The following ARMH3 variants were observed in gnomAD, a reference collection of about 807,000 sequenced individuals.
ARMH3 encodes armadillo like helical domain containing 3.
A neutral mutation model predicts 99.1 loss-of-function variants in ARMH3; 60 were observed. The ratio of observed to expected loss-of-function variants is 0.61; its 90% CI spans 0.49 to 0.75. The LOEUF is 0.75. ARMH3 is among the 30% of genes least tolerant of loss of function. The pLI, the probability that ARMH3 is intolerant of heterozygous loss-of-function variation, is 0.00. For missense variants in ARMH3, 679 were observed against 843.1 expected, an observed-to-expected ratio of 0.81 and a Z score of 2.41; for synonymous variants, 285 against 292.8, an observed-to-expected ratio of 0.97 and a Z score of 0.27.
chr10:101,988,957 G>T (rs1000972812), intron 19 of ARMH3, among the ~76,000 whole-genome samples: 5 of 149,154 alleles, frequency 3.4e-5, no homozygotes, highest in African/African-American at 1.2e-4. Flanking sequence ...CAAGCTAGAG[G>T]TCTACTCTAT....
chr10:101,977,302 T>C (rs1366080565), intron 19 of ARMH3, among the ~76,000 whole-genome samples: 1 of 152,186 alleles, frequency 6.6e-6, no homozygotes, highest in Non-Finnish European at 1.5e-5. Flanking sequence ...TTAAAAATTA[T>C]AAACCTACCA....
At chr10:101,914,081 CTAAT>C (rs1350140105) in intron 23 of ARMH3, among the ~76,000 whole-genome samples, 4 of 152,134 alleles carry the variant, frequency 2.6e-5, no homozygotes, top group African/African-American at 9.7e-5. Flanking sequence ...TAATTAATGA[CTAAT>C]TAAGTGTTGG....
At chr10:101,954,862 ATCTTC>A (rs1844957457) in intron 22 of ARMH3, among the ~76,000 whole-genome samples, 1 of 152,226 alleles carries the variant, frequency 6.6e-6, no homozygotes, top group Non-Finnish European at 1.5e-5. Context: ...ATTCACAGGT[ATCTTC>A]TCTTATCTTG....
chr10:101,870,234 G>A (rs1033482481), intron 24 of ARMH3, among the ~76,000 whole-genome samples: 1 of 152,098 alleles, frequency 6.6e-6, no homozygotes, highest in African/African-American at 2.4e-5. Context: ...TTTTATGAAC[G>A]AATTATGCCA....
At chr10:101,961,880 A>T (rs1411193687) in intron 20 of ARMH3, among the ~76,000 whole-genome samples, 1 of 152,232 alleles carries the variant, frequency 6.6e-6, no homozygotes, top group Non-Finnish European at 1.5e-5. Context: ...CATCTGTAAG[A>T]CTTTGCAATC....
rs188065129 is a variant in ARMH3, at chr10:101,996,990, C to T, written c.1151-1635G>A. 3.8e-3 allele frequency among the ~76,000 whole-genome samples: 581 copies of T among 152,266 alleles called. 1 individual carries two copies. The highest frequency in any genetic ancestry group is 0.02 in the Middle Eastern group (6 of 294). On this transcript the variant is annotated intron_variant, in intron 15 of 25. Transcript: ENST00000370033. ...AAAACCCAAGGGAATAGGGGCTGGGCTCAGTGGCTCACACCTCTAATCCCA... is the reference window on the plus strand; with the variant it reads ...AAAACCCAAGGGAATAGGGGCTGGGTTCAGTGGCTCACACCTCTAATCCCA...
intron 23 of ARMH3, among the ~76,000 whole-genome samples, chr10:101,901,156 A>C (rs1452066681): frequency 6.7e-6 from 1 of 150,164 alleles, no homozygotes; most frequent in Non-Finnish European, 1.5e-5. Context: ...ATGTGCACAA[A>C]GGAGGAAGAA....
chr10:101,941,665 T>C (rs1358960483), intron 22 of ARMH3, among the ~76,000 whole-genome samples: 1 of 152,194 alleles, frequency 6.6e-6, no homozygotes, highest in Non-Finnish European at 1.5e-5. Context: ...CAGTGCTGCT[T>C]TTTTAATTTA....
intron 22 of ARMH3, among the ~76,000 whole-genome samples, chr10:101,945,434 T>C (rs1013794529): frequency 6.6e-5 from 10 of 151,946 alleles, no homozygotes; most frequent in African/African-American, 1.2e-4. Flanking sequence ...ATACAAAAAT[T>C]AGGCTGGACA....
intron 23 of ARMH3, among the ~76,000 whole-genome samples, chr10:101,929,571 G>T (rs2135658862): frequency 6.6e-6 from 1 of 152,220 alleles, no homozygotes; most frequent in South Asian, 2.1e-4. Context: ...ATTTACAGTT[G>T]CATAGGAGTA....
At chr10:102,055,603 G>A (rs1271838008) in intron 1 of ARMH3, among the ~76,000 whole-genome samples, 1 of 152,188 alleles carries the variant, frequency 6.6e-6, no homozygotes, top group Non-Finnish European at 1.5e-5. Context: ...GCCTGTCAGA[G>A]CCTGGAGAGG....
At position 101,993,593 on chromosome 10, in the gene ARMH3, G is replaced by T; in HGVS notation, c.1220C>A (p.Ala407Asp). ...GTTGTCATCATGCAAAAATGCATTG[G>T]CATATTGATCCTAATAAAAATATAG... ...ILTCIAEDQY[A>D]NAFLHDDNMN... The change falls in exon 17 of 26, where the codon GCC (alanine) becomes GAC (aspartate). Residue 407 changes from alanine (A) to aspartate (D), a missense_variant. Around this residue, in one of 3 missense-constraint regions of ARMH3, gnomAD observed 389 missense variants for 456.5 expected, o/e 0.85. Transcript: ENST00000370033. The T allele has an allele frequency of 6.3e-7, 1 of 1,594,862 alleles. No individual in the cohort carries two copies. Among genetic ancestry groups the T allele is most frequent in the Non-Finnish European group, 8.6e-7 (1 of 1,168,084 alleles).
At chr10:101,875,466 G>T (rs980096320) in intron 24 of ARMH3, among the ~76,000 whole-genome samples, 2 of 152,140 alleles carry the variant, frequency 1.3e-5, no homozygotes, top group African/African-American at 4.8e-5. Flanking sequence ...CCTTTTAAAA[G>T]GTAACTTCCC....
intron 19 of ARMH3, among the ~76,000 whole-genome samples, chr10:101,989,881 G>A (rs184286414): frequency 2.5e-4 from 38 of 152,324 alleles, no homozygotes; most frequent in Non-Finnish European, 4.3e-4. Context: ...GATCAGAAGC[G>A]CTATCTCTCT....
intron 20 of ARMH3, among the ~76,000 whole-genome samples, chr10:101,968,635 CT>C (rs1356084468): frequency 6.6e-6 from 1 of 152,162 alleles, no homozygotes; most frequent in African/African-American, 2.4e-5. Context: ...TGATTTCTTG[CT>C]CTTTTGGGGG....
At chr10:101,944,994 T>A (rs1487237159) in intron 22 of ARMH3, among the ~76,000 whole-genome samples, 1 of 152,160 alleles carries the variant, frequency 6.6e-6, no homozygotes, top group Non-Finnish European at 1.5e-5. Context: ...GTGTTCTACT[T>A]CCAGCATGGC....
chr10:101,897,594 GTGTT>G (rs1209687216), intron 23 of ARMH3, among the ~76,000 whole-genome samples: 1 of 152,034 alleles, frequency 6.6e-6, no homozygotes, highest in Non-Finnish European at 1.5e-5. Context: ...TTTTGTTTGT[GTGTT>G]TGTTTGAGGG....
intron 20 of ARMH3, among the ~76,000 whole-genome samples, chr10:101,974,037 T>C (rs1444916839): frequency 6.6e-6 from 1 of 152,214 alleles, no homozygotes; most frequent in Non-Finnish European, 1.5e-5. Flanking sequence ...TCCATCTCTT[T>C]TGATCTCTCT....
chr10:101,965,920 GA>G (rs899600163), intron 20 of ARMH3, among the ~76,000 whole-genome samples: 4 of 152,236 alleles, frequency 2.6e-5, no homozygotes, highest in South Asian at 4.1e-4. Context: ...CATATCTGCT[GA>G]AAGAGTATGA....
Sources: allele counts gnomAD v4.1 joint callset (sites outside exome capture counted in the v4.1 genomes callset), GRCh38; gene constraint gnomAD v4.1.1; regional missense constraint gnomAD v4.1.1; transcripts MANE v1.5; gene names NCBI Gene and HGNC (gene_info 2026-07-23, HGNC 2026-07-21).